The following OTUD4 variants were observed in gnomAD, a reference collection of about 807,000 sequenced individuals.
OTUD4 encodes OTU deubiquitinase 4, also known as OTU domain-containing protein 4.
A neutral mutation model predicts 130.4 loss-of-function variants in OTUD4; 24 were observed. That is an observed-to-expected ratio of 0.18 (90% CI 0.13 to 0.26). The LOEUF (loss-of-function observed/expected upper bound fraction) is 0.26. OTUD4 is among the 10% of genes least tolerant of loss of function. The pLI is 1.00. For missense variants in OTUD4, 1,031 were observed against 1,329.4 expected (o/e 0.78, Z 3.49); for synonymous variants, 420 against 472.5 (o/e 0.89, Z 1.44).
intron 16 of OTUD4, 143 bp from the exon 17 acceptor site, chr4:145,143,588 T>C: frequency 1.6e-6 from 1 of 610,278 alleles, no homozygotes; most frequent in Non-Finnish European, 2.9e-6. Context: ...ATATGTTATT[T>C]TCAACAGGTA....
In OTUD4 at chr4:145,142,284, A is replaced by G. The variant is rs936302704; in HGVS notation, c.1734T>C (p.Ser578=). The G allele has an allele frequency of 6.2e-6, 10 of 1,613,830 alleles. No homozygotes were observed. The highest frequency in any genetic ancestry group is 2.7e-5 in the African/African-American group (2 of 74,932). The change falls in exon 18 of 21, where the codon TCT becomes TCC. Residue 578 remains serine (S), a synonymous_variant. Transcript: ENST00000447906. ...CCGCAGGAGTTAGATGTACCTCTGGAGAAACTAGAAGGGGAGCTGGATTTG... is the reference window on the plus strand; with the variant it reads ...CCGCAGGAGTTAGATGTACCTCTGGGGAAACTAGAAGGGGAGCTGGATTTG... ...SLSNPAPLLV[S]PEVHLTPAVP... is the part of the protein sequence containing the mutation.
chr4:145,176,789 C>T (rs1445576338), intron 1 of OTUD4, among the ~76,000 whole-genome samples: 1 of 152,178 alleles, frequency 6.6e-6, no homozygotes, highest in Non-Finnish European at 1.5e-5. Context: ...TCCAGCTGTG[C>T]ATTCTACAGC....
Position 145,138,619 on chromosome 4 carries a change from G to A in OTUD4, c.2156C>T (p.Ser719Phe), listed in dbSNP as rs779348471. ...GGCCTGGTGCAGAGGGTACAGGTAA[G>A]AATGTGGGGCCCACATAGGACAACT... ...AYSCPMWAPH[S>F]YLYPLHQAYL... The change falls in exon 21 of 21, where the codon TCT (serine) becomes TTT (phenylalanine). Residue 719 changes from serine to phenylalanine, a missense_variant. Around this residue, in one of 3 missense-constraint regions of OTUD4, gnomAD observed 900 missense variants for 1,095.9 expected, o/e 0.82. Coordinates refer to ENST00000447906, the MANE Select transcript of OTUD4 (RefSeq NM_001366057.1). The A allele has an allele frequency of 6.2e-7, 1 of 1,612,876 alleles. No homozygotes were observed. The highest frequency in any genetic ancestry group is 1.1e-5 in the South Asian group (1 of 90,914).
intron 1 of OTUD4, 88 bp from the exon 2 acceptor site, chr4:145,174,832 C>T: frequency 1.4e-6 from 1 of 716,860 alleles, no homozygotes; most frequent in Non-Finnish European, 2.5e-6. Context: ...AATAATCTGA[C>T]AACCAATAGA....
chr4:145,174,099 T>C (rs1260425464), intron 2 of OTUD4, among the ~76,000 whole-genome samples: 1 of 151,122 alleles, frequency 6.6e-6, no homozygotes, highest in East Asian at 2.0e-4. Context: ...CTCTGCCTCC[T>C]GGGTTCGAGC....
At chr4:145,179,474 G>T in intron 1 of OTUD4, 2 of 376,960 alleles carry the variant, frequency 5.3e-6, no homozygotes, top group African/African-American at 2.2e-5. Flanking sequence ...GGGAAGGAAG[G>T]TGAATGCGGA....
chr4:145,164,263 A>G (rs1301498670), intron 4 of OTUD4, 37 bp from the exon 5 acceptor site: 1 of 936,072 alleles, frequency 1.1e-6, no homozygotes, highest in East Asian at 2.7e-5. Context: ...ATAATGGACT[A>G]TACTTCATGA....
intron 5 of OTUD4, among the ~76,000 whole-genome samples, chr4:145,162,941 A>C (rs1751653970): frequency 6.6e-6 from 1 of 152,208 alleles, no homozygotes; most frequent in African/African-American, 2.4e-5. Context: ...GATTTCTGGA[A>C]ATGTTTATAG....
At chr4:145,154,847 G>A (rs1282198997) in intron 10 of OTUD4, among the ~76,000 whole-genome samples, 1 of 151,956 alleles carries the variant, frequency 6.6e-6, no homozygotes, top group Non-Finnish European at 1.5e-5. Context: ...TGGTGGTGGG[G>A]GGCGGGGGGC....
Position 145,152,601 on chromosome 4 carries a change from G to A in OTUD4, c.908C>T (p.Ala303Val). 6.2e-7 allele frequency: 1 copy of A among 1,611,182 alleles called. No individual in the cohort carries two copies. Among genetic ancestry groups the A allele is most frequent in the Non-Finnish European group, 8.5e-7 (1 of 1,178,132 alleles). ...CTCAGAATGAATTCCTTGAACATCT[G>A]CATTCAAAAATTTTCCATTGTGATC... ...RLDHNGKFLN[A>V]DVQGIHSENG... is the part of the protein sequence containing the mutation. The change falls in exon 11 of 21, where the codon GCA (alanine) becomes GTA (valine). Residue 303 changes from alanine (A) to valine (V), a missense_variant. Coordinates refer to ENST00000447906, the MANE Select transcript of OTUD4 (RefSeq NM_001366057.1).
Position 145,141,509 on chromosome 4 carries a change from C to T in OTUD4, c.1953G>A (p.Leu651=), listed in dbSNP as rs1750565016. Residue 651 remains leucine, a synonymous_variant, in exon 19 of 21, where the codon TTG becomes TTA. Transcript: ENST00000447906. ...GGCTCAATGTCTGAGGCAAAGGCAT[C>T]AAGGGCTGGTTAACTGCCTGTATTG... ...PVSIQAVNQP[L]MPLPQTLSLY... 1.2e-6 allele frequency: 2 copies of T among 1,613,708 alleles called. No individual in the cohort carries two copies. The highest frequency in any genetic ancestry group is 1.6e-4 in the Middle Eastern group (1 of 6,062).
rs1313186368 is a variant in OTUD4, at chr4:145,143,413, T to C, written c.1635A>G (p.Ser545=). The C allele has an allele frequency of 6.2e-7, 1 of 1,611,200 alleles. No individual in the cohort carries two copies. Among genetic ancestry groups the C allele is most frequent in the Admixed American group, 1.7e-5 (1 of 59,958 alleles). The change falls in exon 17 of 21, where the codon TCA becomes TCG. Residue 545 remains serine, a synonymous_variant. Coordinates refer to ENST00000447906, the MANE Select transcript of OTUD4 (RefSeq NM_001366057.1). ...NITDDKYATV[S]SPSKSKKLEC... The stretch of plus-strand genomic sequence containing the variant: ...CTAACTTCTTTGACTTTGATGGTGA[T>C]GAAACTGTTGCATATTTATCATCAG...
intron 1 of OTUD4, among the ~76,000 whole-genome samples, chr4:145,175,222 GCT>G (rs1752360399): frequency 6.6e-6 from 1 of 152,170 alleles, no homozygotes; most frequent in Non-Finnish European, 1.5e-5. Flanking sequence ...CCACTTAGAG[GCT>G]CTGTGTAAAA....
chr4:145,178,372 T>C (rs982226959), intron 1 of OTUD4: 1 of 152,224 alleles, frequency 6.6e-6, no homozygotes, highest in Non-Finnish European at 1.5e-5. Flanking sequence ...CTTACCAAAC[T>C]CTTGCTAGGT....
intron 13 of OTUD4, 62 bp from the exon 14 acceptor site, chr4:145,146,491 A>AAAC: frequency 2.1e-6 from 2 of 944,098 alleles, no homozygotes; most frequent in Non-Finnish European, 1.4e-6. Context: ...AATAAATAAA[A>AAAC]CATTCTTGTC....
intron 15 of OTUD4, 29 bp from the exon 16 acceptor site, chr4:145,144,030 G>A (rs767994272): frequency 6.4e-7 from 1 of 1,555,668 alleles, no homozygotes; most frequent in Non-Finnish European, 8.9e-7. Context: ...AAAAAAGACA[G>A]CATAAGCCAC....
intron 13 of OTUD4, among the ~76,000 whole-genome samples, chr4:145,150,259 A>G (rs1435713926): frequency 6.6e-6 from 1 of 152,236 alleles, no homozygotes; most frequent in Non-Finnish European, 1.5e-5. Flanking sequence ...GAATTGGGCT[A>G]GAATAAGATC....
intron 7 of OTUD4, among the ~76,000 whole-genome samples, chr4:145,156,707 T>A (rs1195903624): frequency 2.0e-5 from 3 of 151,164 alleles, no homozygotes; most frequent in Non-Finnish European, 4.4e-5. Context: ...ATACTCTACG[T>A]CAAATAATGT....
At chr4:145,157,102 GAAC>G (rs1397876008) in intron 7 of OTUD4, among the ~76,000 whole-genome samples, 4 of 151,872 alleles carry the variant, frequency 2.6e-5, no homozygotes, top group Non-Finnish European at 5.9e-5. Context: ...GCATTTAAGA[GAAC>G]AAAAACTCCG....
Sources: allele counts gnomAD v4.1 joint callset (sites outside exome capture counted in the v4.1 genomes callset), GRCh38; gene constraint gnomAD v4.1.1; regional missense constraint gnomAD v4.1.1; transcripts MANE v1.5; gene names NCBI Gene and HGNC (gene_info 2026-07-23, HGNC 2026-07-21).